GREB1L: variants seen among roughly 807,000 people sequenced by gnomAD.
The protein encoded by GREB1L is GREB1 like retinoic acid receptor coactivator, also known as GREB1-like protein.
Under a neutral mutation model 200.8 loss-of-function variants are expected in GREB1L, and 17 were observed. The ratio of observed to expected loss-of-function variants is 0.08; its 90% CI spans 0.06 to 0.13. GREB1L has a LOEUF of 0.13. GREB1L is among the 10% of genes least tolerant of loss of function. The pLI is 1.00. For synonymous variants in GREB1L, 789 were observed against 893.0 expected (o/e 0.88, Z 2.08); for missense variants, 1,657 against 2,367.7 (o/e 0.70, Z 6.23).
At chr18:21,325,813 C>CAAAAA (rs60239796) in intron 1 of GREB1L, among the ~76,000 whole-genome samples, 1 of 41,656 alleles carries the variant, frequency 2.4e-5, no homozygotes, top group Non-Finnish European at 8.8e-5. Context: ...GACCTTGTCT[C>CAAAAA]AAAAAAAAAA....
At chr18:21,356,530 T>G (rs2039506543) in intron 1 of GREB1L, among the ~76,000 whole-genome samples, 1 of 152,190 alleles carries the variant, frequency 6.6e-6, no homozygotes, top group Non-Finnish European at 1.5e-5. Flanking sequence ...TGAATAGTAT[T>G]CCATTGTGTA....
intron 3 of GREB1L, 77 bp from the exon 4 acceptor site, chr18:21,384,129 A>G (rs2040437782): frequency 9.7e-7 from 1 of 1,030,472 alleles, no homozygotes; most frequent in Non-Finnish European, 1.4e-6. Context: ...TTTTTCTTCA[A>G]TTATGTCTTT....
At chr18:21,434,521 G>A (rs1258576132) in intron 7 of GREB1L, among the ~76,000 whole-genome samples, 9 of 137,008 alleles carry the variant, frequency 6.6e-5, no homozygotes, top group East Asian at 4.2e-4. Flanking sequence ...GTGTGTGTGT[G>A]TGTGTGTGTG....
intron 17 of GREB1L, among the ~76,000 whole-genome samples, chr18:21,480,495 C>T (rs1231053687): frequency 8.5e-5 from 13 of 152,054 alleles, no homozygotes; most frequent in Admixed American, 7.2e-4. Flanking sequence ...TTAAAGAAAT[C>T]ATCCCTGAAA....
At chr18:21,350,686 C>T (rs2083657621) in intron 1 of GREB1L, among the ~76,000 whole-genome samples, 1 of 152,048 alleles carries the variant, frequency 6.6e-6, no homozygotes, top group South Asian at 2.1e-4. Flanking sequence ...ACTTCATGGG[C>T]AATGATGTAG....
intron 1 of GREB1L, among the ~76,000 whole-genome samples, chr18:21,280,280 A>T (rs890842397): frequency 6.6e-6 from 1 of 152,164 alleles, no homozygotes; most frequent in African/African-American, 2.4e-5. Flanking sequence ...CCAGAATGTC[A>T]TATAGTTGGA....
At chr18:21,454,936 A>G (rs1376515106) in intron 15 of GREB1L, 17 of 298,394 alleles carry the variant, frequency 5.7e-5, no homozygotes, top group East Asian at 1.8e-4. Context: ...TCATTTGCAT[A>G]GGTGGATTCT....
intron 11 of GREB1L, among the ~76,000 whole-genome samples, chr18:21,448,202 G>C (rs866940765): frequency 1.3e-5 from 2 of 149,356 alleles, no homozygotes; most frequent in African/African-American, 4.9e-5. Context: ...AAGAAACACA[G>C]ACATAATGTA....
chr18:21,447,451 G>A (rs1422154976), intron 11 of GREB1L, among the ~76,000 whole-genome samples: 1 of 152,146 alleles, frequency 6.6e-6, no homozygotes, highest in Non-Finnish European at 1.5e-5. Flanking sequence ...AGTCAAAACT[G>A]TATAAAAGCG....
chr18:21,287,920 G>A lies in GREB1L; in HGVS notation c.-120+45527G>A, dbSNP rs143509048. On this transcript the variant is annotated intron_variant, in intron 1 of 32. Coordinates refer to ENST00000424526, the MANE Select transcript of GREB1L (RefSeq NM_001142966.3). ...AGTGATTCTCTTGCCTCAACCTCCC[G>A]GGTAGCTGGGATTACAGGCATACCC... Among the ~76,000 whole-genome samples the A allele has an allele frequency of 7.4e-3, 1,119 of 150,484 alleles. 16 individuals are homozygous for A. The highest frequency in any genetic ancestry group is 0.025 in the African/African-American group (1,008 of 40,902).
chr18:21,386,593 C>CTTTTTTT (rs35010034), intron 4 of GREB1L, among the ~76,000 whole-genome samples: 2 of 115,172 alleles, frequency 1.7e-5, no homozygotes, highest in African/African-American at 3.7e-5. Context: ...TGGCCAGTAG[C>CTTTTTTT]TTTTTTTTTT....
chr18:21,272,712 C>T (rs1161076828), intron 1 of GREB1L, among the ~76,000 whole-genome samples: 2 of 152,170 alleles, frequency 1.3e-5, no homozygotes, highest in Non-Finnish European at 2.9e-5. Context: ...GGTTGGCATA[C>T]ATCTCACTTG....
intron 1 of GREB1L, among the ~76,000 whole-genome samples, chr18:21,310,324 C>T (rs1035959942): frequency 6.6e-6 from 1 of 152,192 alleles, no homozygotes; most frequent in Non-Finnish European, 1.5e-5. Context: ...AATCCCAGCA[C>T]TTTGGGAGGC....
intron 28 of GREB1L, among the ~76,000 whole-genome samples, chr18:21,514,942 C>A (rs1171564294): frequency 6.6e-6 from 1 of 152,148 alleles, no homozygotes; most frequent in Non-Finnish European, 1.5e-5. Context: ...CACAATAAAC[C>A]CCCAAAATTC....
chr18:21,495,449 C>G (rs2036507668), intron 19 of GREB1L, among the ~76,000 whole-genome samples: 5 of 152,194 alleles, frequency 3.3e-5, no homozygotes, highest in Admixed American at 2.6e-4. Context: ...ACCAGCATCT[C>G]CGTTTTATCC....
At chr18:21,402,521 C>T (rs1474951552) in intron 6 of GREB1L, among the ~76,000 whole-genome samples, 1 of 146,080 alleles carries the variant, frequency 6.8e-6, no homozygotes. Context: ...CCTTTCCTTT[C>T]CCCTTCCTTT....
chr18:21,393,619 C>T (rs755768366), intron 4 of GREB1L, among the ~76,000 whole-genome samples: 48 of 152,132 alleles, frequency 3.2e-4, no homozygotes, highest in African/African-American at 9.7e-4. Context: ...TTAGTAGAGA[C>T]GGGGTTTCAC....
chr18:21,403,471 C>A (rs1057388812), intron 6 of GREB1L, among the ~76,000 whole-genome samples: 1 of 152,024 alleles, frequency 6.6e-6, no homozygotes, highest in East Asian at 1.9e-4. Context: ...CTAGACAGAC[C>A]CTAGGTTACT....
At chr18:21,445,139 C>T (rs1039982524) in intron 11 of GREB1L, among the ~76,000 whole-genome samples, 4 of 152,226 alleles carry the variant, frequency 2.6e-5, no homozygotes, top group African/African-American at 9.6e-5. Flanking sequence ...TCTAATTATA[C>T]ACTCACTCTA....
Sources: allele counts gnomAD v4.1 joint callset (sites outside exome capture counted in the v4.1 genomes callset), GRCh38; gene constraint gnomAD v4.1.1; transcripts MANE v1.5; gene names NCBI Gene and HGNC (gene_info 2026-07-23, HGNC 2026-07-21).